Variants in NUP160 observed in about 807,000 individuals in gnomAD.
The protein encoded by NUP160 is nucleoporin 160.
In NUP160, 94 loss-of-function variants were observed where a neutral mutation model predicts 196.9. The ratio of observed to expected loss-of-function variants is 0.48; its 90% CI spans 0.40 to 0.57. The LOEUF (loss-of-function observed/expected upper bound fraction) is 0.57, where lower values mean the gene tolerates loss of function less well. NUP160 is among the 20% of genes least tolerant of loss of function. The probability of loss-of-function intolerance (pLI) is 0.00; values close to 1 mark genes in which losing one functional copy is unlikely to be tolerated. For missense variants in NUP160, 1,638 were observed against 1,748.3 expected, an observed-to-expected ratio of 0.94 and a Z score of 1.13; for synonymous variants, 605 against 619.7, an observed-to-expected ratio of 0.98 and a Z score of 0.35.
At position 47,788,174 on chromosome 11, in the gene NUP160, A is replaced by G. The variant is rs1393523066; in HGVS notation, c.3746+8T>C. ...GAAAAGACTATAAAAAAATAATTTT[A>G]TACATACTTGAAGGCAAGCCCTTCA... On this transcript the variant is annotated splice_region_variant and intron_variant, in intron 31 of 35. Coordinates refer to ENST00000378460, the Ensembl canonical transcript of NUP160. 1.9e-6 allele frequency: 3 copies of G among 1,605,062 alleles called. No homozygotes were observed. The highest frequency in any genetic ancestry group is 1.3e-5 in the African/African-American group (1 of 74,360).
At chr11:47,782,339 T>C (rs1287171579) in intron 34 of NUP160, among the ~76,000 whole-genome samples, 2 of 97,926 alleles carry the variant, frequency 2.0e-5, no homozygotes, top group Non-Finnish European at 4.1e-5. Context: ...TATATATATA[T>C]ATATATATAT....
At chr11:47,814,133 C>A (rs1031650498) in intron 13 of NUP160, among the ~76,000 whole-genome samples, 1 of 121,092 alleles carries the variant, frequency 8.3e-6, no homozygotes, top group African/African-American at 3.1e-5. Context: ...CACAGCAAGA[C>A]CCTGCCTCAA....
At chr11:47,840,560 T>A (rs376159012) in exon 3 of NUP160, 4 of 1,611,556 alleles carry the variant, frequency 2.5e-6, no homozygotes, top group Non-Finnish European at 3.4e-6. Flanking sequence ...GACTCCTCCA[T>A]CAGCTCCAAT....
chr11:47,784,696 T>C, intron 33 of NUP160: 1 of 290,342 alleles, frequency 3.4e-6, no homozygotes, highest in Non-Finnish European at 6.3e-6. Flanking sequence ...CATCTTTTTC[T>C]TTTTCTTTAT....
At position 47,840,376 on chromosome 11, in the gene NUP160, A is replaced by C; in HGVS notation, c.525+2T>G. 1 of 1,611,962 alleles carries C rather than the reference A, an allele frequency of 6.2e-7. No homozygotes were observed. Among genetic ancestry groups the C allele is most frequent in the Non-Finnish European group, 8.5e-7 (1 of 1,178,036 alleles). On this transcript the variant is annotated splice_donor_variant, in intron 3 of 35. Coordinates refer to ENST00000378460, the Ensembl canonical transcript of NUP160. LOFTEE classifies it high-confidence loss of function. ...AAAAGATATTGCACTTAGCCAACTT[A>C]CACTCCTATACATCCGGGAGGGGTG...
intron 7 of NUP160, among the ~76,000 whole-genome samples, chr11:47,827,463 T>G (rs2135390887): frequency 6.6e-6 from 1 of 152,058 alleles, no homozygotes; most frequent in East Asian, 1.9e-4. Context: ...CACTGGTAAC[T>G]TCTCCCTTAG....
At chr11:47,815,916 A>G in intron 12 of NUP160, 30 bp downstream of exon 12, 1 of 1,528,238 alleles carries the variant, frequency 6.5e-7, no homozygotes, top group African/African-American at 1.4e-5. Flanking sequence ...GATGGAAGGA[A>G]TTCTTATTCT....
chr11:47,841,017 T>C (rs184335117), intron 2 of NUP160, among the ~76,000 whole-genome samples: 14 of 151,384 alleles, frequency 9.2e-5, no homozygotes, highest in African/African-American at 3.4e-4. Flanking sequence ...CGCACACATA[T>C]ACACACACAC....
At chr11:47,818,014 TAAGA>T (rs1851773000) in intron 11 of NUP160, 38 bp downstream of exon 11, 2 of 1,249,234 alleles carry the variant, frequency 1.6e-6, no homozygotes, top group African/African-American at 3.0e-5. Flanking sequence ...AGTAATAAAA[TAAGA>T]AATAGTCTTA....
At chr11:47,821,694 G>A (rs374579055) in intron 9 of NUP160, 30 bp downstream of exon 9, 3 of 1,520,698 alleles carry the variant, frequency 2.0e-6, no homozygotes, top group Non-Finnish European at 2.7e-6. Context: ...CTTGGGGTGA[G>A]GTAGGATGAC....
At chr11:47,813,748 C>G (rs1443827931) in intron 13 of NUP160, among the ~76,000 whole-genome samples, 2 of 151,880 alleles carry the variant, frequency 1.3e-5, no homozygotes, top group Non-Finnish European at 2.9e-5. Flanking sequence ...ATCACCTGAG[C>G]CTGGGAGGTT....
At position 47,779,265 on chromosome 11, in the gene NUP160, T is replaced by C; in HGVS notation, c.4222-71A>G. On this transcript the variant is annotated intron_variant, in intron 35 of 35. Transcript: ENST00000378460. ...GAAAAATATTGAAGTTATTAATAAC[T>C]TTGACTTCACCAAGTAGATTCCACC... 9 of 984,204 alleles carry C rather than the reference T, an allele frequency of 9.1e-6. No homozygotes were observed. In the South Asian group the frequency reaches 1.2e-4, roughly 13 times the overall value. 61.0% of individuals were successfully genotyped at this position (984,204 alleles called of 1,614,324 possible).
At position 47,797,899 on chromosome 11, in the gene NUP160, G is replaced by A; in HGVS notation, c.3184-15C>T. 1 of 1,595,958 alleles carries A rather than the reference G, an allele frequency of 6.3e-7. No homozygotes were observed. The highest frequency in any genetic ancestry group is 1.1e-5 in the South Asian group (1 of 90,504). ...ATTCCCACAACCTAGGGAAGGGGAA[G>A]CAATCAGATAACTAAGTCAGTAGCA... On this transcript the variant is annotated splice_polypyrimidine_tract_variant and intron_variant, in intron 26 of 35. Transcript: ENST00000378460.
intron 2 of NUP160, among the ~76,000 whole-genome samples, chr11:47,845,612 C>T (rs1852386740): frequency 6.6e-6 from 1 of 152,156 alleles, no homozygotes; most frequent in South Asian, 2.1e-4. Flanking sequence ...GCCTATCTTC[C>T]TCCATAAGAG....
At chr11:47,809,734 CAAAAAAAAAA>C (rs779243939) in intron 17 of NUP160, among the ~76,000 whole-genome samples, 5 of 47,906 alleles carry the variant, frequency 1.0e-4, no homozygotes, top group Non-Finnish European at 1.7e-4. Flanking sequence ...GCAAGACTCT[CAAAAAAAAAA>C]AAAAAAAAAA....
chr11:47,839,721 T>C (rs1852256354), intron 4 of NUP160, 122 bp downstream of exon 4: 1 of 811,526 alleles, frequency 1.2e-6, no homozygotes. Flanking sequence ...AGGCAAGCAA[T>C]AATGAATGAC....
intron 27 of NUP160, chr11:47,796,402 T>C (rs1290248947): frequency 7.5e-6 from 3 of 401,526 alleles, no homozygotes; most frequent in Non-Finnish European, 1.3e-5. Flanking sequence ...AAGAAGAACC[T>C]AATTAAATAA....
intron 31 of NUP160, among the ~76,000 whole-genome samples, chr11:47,787,727 CT>C (rs928580156): frequency 4.9e-5 from 7 of 143,824 alleles, no homozygotes; most frequent in African/African-American, 1.8e-4. Context: ...AATTCTTCTT[CT>C]TTTTTTTGAG....
intron 4 of NUP160, chr11:47,839,486 G>T: frequency 3.9e-6 from 1 of 253,472 alleles, no homozygotes; most frequent in African/African-American, 2.2e-5. Flanking sequence ...AATAATCCAG[G>T]CAAGACACAG....
Sources: gnomAD v4.1 joint callset for allele counts (sites outside exome capture counted in the v4.1 genomes callset) on GRCh38, gnomAD v4.1.1 for gene constraint, MANE v1.5 for transcripts, NCBI Gene and HGNC (gene_info 2026-07-23, HGNC 2026-07-21) for gene names.